PHC2: variants seen among roughly 807,000 people sequenced by gnomAD.
PHC2 encodes polyhomeotic homolog 2, also known as polyhomeotic-like protein 2.
In PHC2, 29 loss-of-function variants were observed where a neutral mutation model predicts 87.4. The ratio of observed to expected loss-of-function variants is 0.33; its 90% CI spans 0.25 to 0.45. The LOEUF is 0.45. PHC2 is among the 20% of genes least tolerant of loss of function. PHC2 has a pLI of 1.00. For missense variants in PHC2, 857 were observed against 1,136.7 expected, an observed-to-expected ratio of 0.75 and a Z score of 3.54; for synonymous variants, 438 against 461.7, an observed-to-expected ratio of 0.95 and a Z score of 0.66.
Position 33,349,816 on chromosome 1 carries a change from G to T in PHC2, c.1558+4585C>A, listed in dbSNP as rs1646927861. The T allele has an allele frequency of 5.1e-6, 5 of 976,390 alleles. No homozygotes were observed. Among genetic ancestry groups the T allele is most frequent in the African/African-American group, 1.8e-5 (1 of 56,582 alleles). 60.5% of individuals were successfully genotyped at this position (976,390 alleles called of 1,614,324 possible). A position where few individuals can be genotyped will look rare whatever the true frequency, so the allele number is the denominator to read the frequency against. ...GAGGCCGGGACGGGGGCGCGAGGCC[G>T]GGGCGGGAGCGCGGGCGGCGGCCGG... is the stretch of plus-strand genomic sequence containing the variant. On this transcript the variant is annotated intron_variant, in intron 9 of 14. Coordinates refer to ENST00000683057, the MANE Select transcript of PHC2 (RefSeq NM_001385109.1). This position sits in a 1 kb window ranked among gnomAD's most constrained non-coding sequence, Gnocchi z 4.2.
At chr1:33,356,257 A>ATATATATATATATATGTG (rs1280192001) in intron 7 of PHC2, among the ~76,000 whole-genome samples, 1 of 83,064 alleles carries the variant, frequency 1.2e-5, no homozygotes, top group Non-Finnish European at 2.6e-5. Flanking sequence ...TCTTATATAT[A>ATATATATATATATATGTG]TATATATATA....
At chr1:33,392,013 GA>G (rs977245250) in intron 1 of PHC2, among the ~76,000 whole-genome samples, 3 of 152,222 alleles carry the variant, frequency 2.0e-5, no homozygotes, top group Non-Finnish European at 2.9e-5. Flanking sequence ...GGCTAGCACA[GA>G]GGGAAAGGAA....
At chr1:33,343,022 C>G (rs1570461940) in intron 9 of PHC2, among the ~76,000 whole-genome samples, 1 of 152,220 alleles carries the variant, frequency 6.6e-6, no homozygotes, top group South Asian at 2.1e-4. Flanking sequence ...ACTGCCTGTT[C>G]TGAGTCTTGG....
At chr1:33,348,655 A>AT (rs1646891226) in intron 9 of PHC2, among the ~76,000 whole-genome samples, 1 of 152,206 alleles carries the variant, frequency 6.6e-6, no homozygotes, top group African/African-American at 2.4e-5. Flanking sequence ...TGGGCCCAAT[A>AT]TGCTAATGGA....
rs556462881 is a variant in PHC2, at chr1:33,381,775, A to T, written c.-54-6182T>A. Among the ~76,000 whole-genome samples, 10 of 152,010 alleles carry T rather than the reference A, an allele frequency of 6.6e-5. No homozygotes were observed. In the South Asian group the frequency reaches 2.1e-3, roughly 32 times the overall value. ...GAATTTAATTCCCTAATTGTTAATT[A>T]ATGTCCATTTATACTTACAAAATAT... On this transcript the variant is annotated intron_variant, in intron 1 of 14. Coordinates refer to ENST00000683057, the MANE Select transcript of PHC2 (RefSeq NM_001385109.1).
rs758817291 is a variant in PHC2, at chr1:33,367,321, G to A, written c.771C>T (p.Gly257=). The stretch of plus-strand genomic sequence containing the variant: ...CTGGGGTAGGCAGAGGCTGGCTACC[G>A]CCCGGCGTGGGTTTCAGGGCCAAGC... The part of the protein sequence containing the change: ...LPSLALKPTP[G]GSQPLPTPAQ... Residue 257 remains glycine (G), a synonymous_variant, in exon 7 of 15, where the codon GGC becomes GGT. Coordinates refer to ENST00000683057, the MANE Select transcript of PHC2 (RefSeq NM_001385109.1). 35 of 1,613,000 alleles carry A rather than the reference G, an allele frequency of 2.2e-5. No homozygotes were observed. Among genetic ancestry groups the A allele is most frequent in the African/African-American group, 1.1e-4 (8 of 74,922 alleles).
intron 1 of PHC2, among the ~76,000 whole-genome samples, chr1:33,385,835 C>T (rs1397926975): frequency 2.7e-5 from 4 of 150,438 alleles, no homozygotes; most frequent in South Asian, 2.1e-4. Context: ...CTTGCTCTCT[C>T]GCCCAGGCTG....
chr1:33,402,376 G>C (rs1392130398), intron 1 of PHC2, among the ~76,000 whole-genome samples: 4 of 152,132 alleles, frequency 2.6e-5, no homozygotes, highest in African/African-American at 9.6e-5. Flanking sequence ...AAAACAGTTT[G>C]GTATTTCACA....
At chr1:33,361,839 G>A (rs184976075) in intron 7 of PHC2, among the ~76,000 whole-genome samples, 44 of 152,326 alleles carry the variant, frequency 2.9e-4, no homozygotes, top group African/African-American at 8.9e-4. Context: ...GTGATGGAGC[G>A]TGGGAATGAG....
intron 9 of PHC2, chr1:33,335,022 A>C (rs1000561648): frequency 1.2e-4 from 23 of 194,946 alleles, no homozygotes; most frequent in African/African-American, 5.2e-4. Context: ...CCCAGATGTC[A>C]GCTTCTTATC....
chr1:33,375,915 G>A (rs1404712367), intron 1 of PHC2, among the ~76,000 whole-genome samples: 1 of 152,206 alleles, frequency 6.6e-6, no homozygotes, highest in African/African-American at 2.4e-5. Flanking sequence ...TTAGGGACTT[G>A]AGCTTCCATG....
intron 7 of PHC2, among the ~76,000 whole-genome samples, chr1:33,356,250 TA>T (rs1647070114): frequency 2.7e-5 from 1 of 36,870 alleles, no homozygotes; most frequent in South Asian, 8.4e-4. Flanking sequence ...TGAAAATTCT[TA>T]TATATATATA....
chr1:33,360,812 G>GT (rs1366401237), intron 7 of PHC2, among the ~76,000 whole-genome samples: 1 of 152,236 alleles, frequency 6.6e-6, no homozygotes, highest in African/African-American at 2.4e-5. Flanking sequence ...GTACAATGCA[G>GT]TAAGTGAAGG....
At chr1:33,418,069 T>C (rs865900227) in intron 1 of PHC2, among the ~76,000 whole-genome samples, 46 of 152,234 alleles carry the variant, frequency 3.0e-4, no homozygotes, top group African/African-American at 9.9e-4. Context: ...CTGTAGGATA[T>C]AGCTAAAGTA....
intron 1 of PHC2, among the ~76,000 whole-genome samples, chr1:33,407,895 T>C (rs754920095): frequency 2.0e-5 from 3 of 152,222 alleles, no homozygotes; most frequent in African/African-American, 7.2e-5. Flanking sequence ...TCAGGTTAGC[T>C]TTCTCAGGAG....
At chr1:33,358,365 A>G (rs760109672) in intron 7 of PHC2, among the ~76,000 whole-genome samples, 1 of 152,132 alleles carries the variant, frequency 6.6e-6, no homozygotes, top group Non-Finnish European at 1.5e-5. Flanking sequence ...GCTACTATAC[A>G]CCAAGGCTGG....
chr1:33,374,749 C>A (rs12723492), intron 2 of PHC2, among the ~76,000 whole-genome samples: 26,329 of 152,124 alleles, frequency 0.17, 2,806 homozygotes, highest in South Asian at 0.27. Context: ...ATTTTTTTGT[C>A]TTTACCTGAA....
chr1:33,423,305 G>A (rs1442008510), intron 1 of PHC2, among the ~76,000 whole-genome samples: 2 of 152,156 alleles, frequency 1.3e-5, no homozygotes, highest in African/African-American at 4.8e-5. Context: ...AGAAGGAATG[G>A]AGACACTGAA....
At chr1:33,409,858 C>T (rs1050177940) in intron 1 of PHC2, among the ~76,000 whole-genome samples, 1 of 152,166 alleles carries the variant, frequency 6.6e-6, no homozygotes, top group Non-Finnish European at 1.5e-5. Context: ...ATACTTAAAA[C>T]GTGATAGTTT....
Sources: allele counts gnomAD v4.1 joint callset (sites outside exome capture counted in the v4.1 genomes callset), GRCh38; gene constraint gnomAD v4.1.1; non-coding constraint Gnocchi (gnomAD v3.1); transcripts MANE v1.5; gene names NCBI Gene and HGNC (gene_info 2026-07-23, HGNC 2026-07-21).